ZNF248: variants seen among roughly 807,000 people sequenced by gnomAD.
ZNF248 encodes the protein KRAB protein domain.
In ZNF248, 20 loss-of-function variants were observed where a neutral mutation model predicts 44.3. The observed-to-expected ratio is 0.45, with a 90% CI of 0.32 to 0.66. The LOEUF is 0.66. ZNF248 is among the 30% of genes least tolerant of loss of function. The pLI, the probability that ZNF248 is intolerant of heterozygous loss-of-function variation, is 0.04. For synonymous variants in ZNF248, 224 were observed against 229.0 expected, an observed-to-expected ratio of 0.98 and a Z score of 0.20; for missense variants, 654 against 677.0, an observed-to-expected ratio of 0.97 and a Z score of 0.38.
intron 6 of ZNF248, among the ~76,000 whole-genome samples, chr10:37,789,910 T>C (rs979621993): frequency 5.5e-4 from 83 of 152,234 alleles, no homozygotes; most frequent in Non-Finnish European, 8.7e-4. Context: ...CTACTTCCAC[T>C]CTAGTAGGAA....
chr10:37,808,821 G>A (rs2051014294), intron 6 of ZNF248, among the ~76,000 whole-genome samples: 1 of 152,016 alleles, frequency 6.6e-6, no homozygotes, highest in Non-Finnish European at 1.5e-5. Context: ...TTAAATGTTT[G>A]GTAGAATTCA....
intron 1 of ZNF248, chr10:37,856,769 C>T (rs1276529618): frequency 1.0e-6 from 1 of 970,048 alleles, no homozygotes; most frequent in African/African-American, 1.8e-5. Context: ...TTTGTTCTAA[C>T]TTGCTAACAA....
chr10:37,832,214 C>G lies in ZNF248; in HGVS notation c.1141G>C (p.Glu381Gln). The change falls in exon 6 of 6, where the codon GAA (glutamate) becomes CAA (glutamine). Residue 381 changes from glutamate to glutamine, a missense_variant. Coordinates refer to ENST00000395867, the MANE Select transcript of ZNF248 (RefSeq NM_021045.3). Reference sequence around the variant, plus strand: ...AAGGTTTTCCCACATTCACCACATTCAAAGGTTTTTTCTCCTGTGTGAGCT... The same window carrying G: ...AAGGTTTTCCCACATTCACCACATTGAAAGGTTTTTTCTCCTGTGTGAGCT... ...RRAHTGEKTF[E>Q]CGECGKTFWE... The G allele has an allele frequency of 6.2e-7, 1 of 1,614,064 alleles. No homozygotes were observed. Among genetic ancestry groups the G allele is most frequent in the Non-Finnish European group, 8.5e-7 (1 of 1,179,962 alleles).
At chr10:37,846,594 C>G (rs1737918261) in intron 3 of ZNF248, among the ~76,000 whole-genome samples, 1 of 152,074 alleles carries the variant, frequency 6.6e-6, no homozygotes, top group African/African-American at 2.4e-5. Flanking sequence ...TGGAGTGAGC[C>G]ATGACTGAGC....
chr10:37,760,361 G>T, the ZNF248 span, among the ~76,000 whole-genome samples: 2 of 152,180 alleles, frequency 1.3e-5, no homozygotes, highest in Admixed American at 6.5e-5. Context: ...CTACTGAGTA[G>T]CCAGGTCTAC....
chr10:37,853,600 G>A (rs919614163), intron 3 of ZNF248, among the ~76,000 whole-genome samples: 20 of 151,406 alleles, frequency 1.3e-4, no homozygotes, highest in Admixed American at 7.9e-4. Context: ...GGCTGGTCGC[G>A]AACTCCCGAC....
downstream of ZNF248, among the ~76,000 whole-genome samples, chr10:37,774,978 C>T (rs1481233236): frequency 6.6e-6 from 1 of 151,976 alleles, no homozygotes; most frequent in Non-Finnish European, 1.5e-5. Flanking sequence ...ACCATGTGGC[C>T]AAGCTGGTCT....
At chr10:37,796,102 C>A (rs1019801387) in intron 6 of ZNF248, 5 of 151,836 alleles carry the variant, frequency 3.3e-5, no homozygotes, top group Non-Finnish European at 7.4e-5. Flanking sequence ...TATAGTCTGT[C>A]TATTTGATTA....
chr10:37,777,685 C>A (rs556104929), intron 6 of ZNF248, among the ~76,000 whole-genome samples: 79 of 121,220 alleles, frequency 6.5e-4, no homozygotes, highest in Middle Eastern at 5.0e-3. Context: ...TCCCTCCCCC[C>A]TCCCCCCACC....
chr10:37,764,300 G>T, the ZNF248 span, among the ~76,000 whole-genome samples: 1 of 152,156 alleles, frequency 6.6e-6, no homozygotes. Context: ...ATTAGGACGA[G>T]CAAATTCCCG....
In ZNF248 at chr10:37,813,925, G is replaced by A. The variant is rs181483806; in HGVS notation, c.330+19100C>T. 5.8e-4 allele frequency among the ~76,000 whole-genome samples: 89 copies of A among 152,244 alleles called. No homozygotes were observed. In the Middle Eastern group the frequency reaches 0.01, roughly 17 times the overall value. On this transcript the variant is annotated intron_variant, in intron 6 of 6. Transcript: ENST00000615949. Reference sequence around the variant, plus strand: ...TGTCTTCGGACACAGATTAGAACCTGAGTCTCTTGTAGACAGTACTGTTCA... The same window carrying A: ...TGTCTTCGGACACAGATTAGAACCTAAGTCTCTTGTAGACAGTACTGTTCA...
chr10:37,776,473 C>A (rs939723800), downstream of ZNF248: 3 of 397,530 alleles, frequency 7.5e-6, no homozygotes, highest in Non-Finnish European at 1.3e-5. Context: ...GGGCTGACAA[C>A]GTTCAGGTTA....
intron 6 of ZNF248, among the ~76,000 whole-genome samples, chr10:37,815,054 T>G (rs1403471300): frequency 2.6e-5 from 4 of 151,352 alleles, no homozygotes; most frequent in Non-Finnish European, 4.4e-5. Flanking sequence ...TCTCTTAGGC[T>G]TTCTTCATTT....
chr10:37,829,334 C>T lies in ZNF248; in HGVS notation c.*2281G>A. On this transcript the variant is annotated 3_prime_UTR_variant, in exon 6 of 6. Transcript: ENST00000395867. ...TGTTTCACTGTCCCTTGTTTCTGGC[C>T]CACACCACTGTAATCAGTCTGCCAT... is the stretch of plus-strand genomic sequence containing the variant. 4 of 985,382 alleles carry T rather than the reference C, an allele frequency of 4.1e-6. No homozygotes were observed. Among genetic ancestry groups the T allele is most frequent in the Non-Finnish European group, 4.8e-6 (4 of 829,934 alleles). The allele number at this position is 985,382 out of a possible 1,614,324, so 61.0% of individuals were successfully genotyped here.
intron 6 of ZNF248, among the ~76,000 whole-genome samples, chr10:37,822,538 T>C (rs2053642822): frequency 6.6e-6 from 1 of 152,156 alleles, no homozygotes; most frequent in African/African-American, 2.4e-5. Flanking sequence ...CTGAACTGTG[T>C]ACCATGAGAA....
intron 3 of ZNF248, among the ~76,000 whole-genome samples, chr10:37,843,958 G>A (rs965808146): frequency 1.3e-5 from 2 of 152,074 alleles, no homozygotes; most frequent in Non-Finnish European, 2.9e-5. Context: ...ACAATTACAG[G>A]AGTCCCAGAA....
chr10:37,832,785 A>G lies in ZNF248; in HGVS notation c.570T>C (p.Tyr190=), dbSNP rs150239731. 5.6e-6 allele frequency: 9 copies of G among 1,613,688 alleles called. No individual in the cohort carries two copies. In the East Asian group the frequency reaches 6.7e-5, roughly 12 times the overall value. ...TGGCATTCCTTTTTTGATCATATTT[A>G]TAAGACTTCTCTCCAATAGGGATTT... The part of the protein sequence containing the change: ...HEKIPIGEKS[Y]KYDQKRNAIN... The change falls in exon 6 of 6, where the codon TAT becomes TAC. Residue 190 remains tyrosine (Y), a synonymous_variant. Transcript: ENST00000395867.
At chr10:37,856,158 G>T in intron 3 of ZNF248, 138 bp downstream of exon 3, 1 of 918,002 alleles carries the variant, frequency 1.1e-6, no homozygotes, top group Non-Finnish European at 1.6e-6. Flanking sequence ...GCACTATTTT[G>T]GATTTGCTAC....
At chr10:37,847,860 ACT>A (rs1341950910) in intron 3 of ZNF248, among the ~76,000 whole-genome samples, 1 of 152,208 alleles carries the variant, frequency 6.6e-6, no homozygotes, top group Admixed American at 6.5e-5. Flanking sequence ...TTAATATATT[ACT>A]TTCTCACTTT....
Sources: allele counts gnomAD v4.1 joint callset (sites outside exome capture counted in the v4.1 genomes callset), GRCh38; gene constraint gnomAD v4.1.1; transcripts MANE v1.5; gene names NCBI Gene and HGNC (gene_info 2026-07-23, HGNC 2026-07-21).